GGTA1: variants seen among roughly 807,000 people sequenced by gnomAD.
The protein encoded by GGTA1 is inactive N-acetyllactosaminide alpha-1,3-galactosyltransferase.
Under a neutral mutation model 2.6 loss-of-function variants are expected in GGTA1, and 5 were observed. The observed-to-expected ratio is 1.92, with a 90% CI of 1.00 to 4.04. GGTA1 has a LOEUF of 4.04. Ranked by LOEUF, GGTA1 falls within the 30% of genes most tolerant of loss-of-function variation. GGTA1 has a pLI of 0.00. For missense variants in GGTA1, 50 were observed against 16.7 expected (o/e 2.99, Z -3.47); for synonymous variants, 17 against 5.0 (o/e 3.38, Z -3.19).
intron 5 of GGTA1, among the ~76,000 whole-genome samples, chr9:121,458,637 T>G (rs901004304): frequency 2.3e-5 from 3 of 132,242 alleles, no homozygotes; most frequent in African/African-American, 8.8e-5. Context: ...AATAAATAAA[T>G]AAATAAATAA....
At position 121,479,837 on chromosome 9, in the gene GGTA1, G is replaced by A. The variant is rs535012200; in HGVS notation, c.-9-11906C>T. Among the ~76,000 whole-genome samples, 19 of 152,226 alleles carry A rather than the reference G, an allele frequency of 1.2e-4. No individual in the cohort carries two copies. In the East Asian group the frequency reaches 3.7e-3, roughly 29 times the overall value. ...CTACATCTTTTAGGCTTCAGAAGTCGCTGTTTGGTTTGAACACTACATTTT... is the reference window on the plus strand; with the variant it reads ...CTACATCTTTTAGGCTTCAGAAGTCACTGTTTGGTTTGAACACTACATTTT... On this transcript the variant is annotated intron_variant, in intron 1 of 5. Transcript: ENST00000481799.
intron 1 of GGTA1, among the ~76,000 whole-genome samples, chr9:121,472,587 A>G (rs891959608): frequency 1.3e-5 from 2 of 152,238 alleles, no homozygotes; most frequent in African/African-American, 4.8e-5. Context: ...ATGCAAATGA[A>G]GGACTCTAAA....
At chr9:121,470,626 A>T (rs1828368200) in intron 1 of GGTA1, among the ~76,000 whole-genome samples, 1 of 152,250 alleles carries the variant, frequency 6.6e-6, no homozygotes, top group South Asian at 2.1e-4. Flanking sequence ...ACAGTGAAAG[A>T]CATCAGACCT....
chr9:121,488,642 G>A (rs551348770), intron 1 of GGTA1, among the ~76,000 whole-genome samples: 77 of 150,298 alleles, frequency 5.1e-4, no homozygotes, highest in Admixed American at 1.1e-3. Context: ...GCTTGAACCC[G>A]GGAGGCGGAA....
intron 1 of GGTA1, among the ~76,000 whole-genome samples, chr9:121,495,408 G>A (rs1008059843): frequency 2.0e-5 from 3 of 152,076 alleles, no homozygotes; most frequent in East Asian, 3.9e-4. Context: ...CTAGCTGGGC[G>A]TGGTGGTGGA....
intron 1 of GGTA1, among the ~76,000 whole-genome samples, chr9:121,475,697 G>C (rs1277711506): frequency 1.3e-5 from 2 of 152,124 alleles, no homozygotes; most frequent in Non-Finnish European, 2.9e-5. Flanking sequence ...TGTTCCAATG[G>C]GAGTCAAGAG....
rs1390160953 is a variant in GGTA1 at position 121,476,638 on chromosome 9, C to T, written c.-9-8707G>A. Among the ~76,000 whole-genome samples the T allele has an allele frequency of 2.6e-5, 4 of 152,192 alleles. No homozygotes were observed. The highest frequency in any genetic ancestry group is 4.4e-5 in the Non-Finnish European group (3 of 68,038). On this transcript the variant is annotated intron_variant, in intron 1 of 5. Coordinates refer to ENST00000481799, the MANE Select transcript of GGTA1 (RefSeq NM_001382585.1). This position sits in a 1 kb window ranked among gnomAD's most constrained non-coding sequence, Gnocchi z 4.6. ...GGTGTGATGATCAAATGATAGGATT[C>T]ATCAACTATCACTTCTCAGCCTTTT...
intron 1 of GGTA1, among the ~76,000 whole-genome samples, chr9:121,499,057 G>A (rs1447164889): frequency 3.3e-5 from 5 of 152,030 alleles, no homozygotes; most frequent in Middle Eastern, 3.2e-3. Context: ...CAGGCACCCC[G>A]GATGCCAAAG....
At chr9:121,484,898 C>T (rs1828727305) in intron 1 of GGTA1, among the ~76,000 whole-genome samples, 1 of 152,168 alleles carries the variant, frequency 6.6e-6, no homozygotes, top group Non-Finnish European at 1.5e-5. Flanking sequence ...AATGAGCCTC[C>T]CCAGAAGCCG....
At chr9:121,453,237 G>A (rs781193752), downstream of GGTA1, among the ~76,000 whole-genome samples, 1 of 152,242 alleles carries the variant, frequency 6.6e-6, no homozygotes, top group Non-Finnish European at 1.5e-5. Context: ...GGCCAAGACT[G>A]GAGCCTAGGG....
At chr9:121,458,823 T>C (rs908093376) in intron 5 of GGTA1, among the ~76,000 whole-genome samples, 1 of 152,208 alleles carries the variant, frequency 6.6e-6, no homozygotes, top group Middle Eastern at 3.4e-3. Context: ...TCCCAAGTCC[T>C]GCTCAGCAAA....
rs192832185 is a variant in GGTA1, at chr9:121,475,102, C to T, written c.-9-7171G>A. On this transcript the variant is annotated intron_variant, in intron 1 of 5. Coordinates refer to ENST00000481799, the MANE Select transcript of GGTA1 (RefSeq NM_001382585.1). ...GGCATTCTAAGTCACAGGATGAAAC[C>T]GGAAACCAGCACAAGATACATGTCA... Among the ~76,000 whole-genome samples the T allele has an allele frequency of 3.3e-3, 503 of 152,136 alleles. 4 individuals carry two copies. The highest frequency in any genetic ancestry group is 0.011 in the African/African-American group (465 of 41,516).
chr9:121,448,224 T>C (rs955778893), intron 7 of GGTA1, among the ~76,000 whole-genome samples: 2 of 152,122 alleles, frequency 1.3e-5, no homozygotes, highest in Non-Finnish European at 2.9e-5. Context: ...TCAAAGGGGG[T>C]ACTAGTTCTT....
At chr9:121,467,998 T>G in intron 1 of GGTA1, 67 bp from the exon 2 acceptor site, 1 of 424,090 alleles carries the variant, frequency 2.4e-6, no homozygotes, top group South Asian at 1.7e-5. Flanking sequence ...AGAGGCAGTT[T>G]TTAAAAAATG....
downstream of GGTA1, among the ~76,000 whole-genome samples, chr9:121,454,875 G>A (rs1445528938): frequency 1.3e-5 from 2 of 152,114 alleles, no homozygotes; most frequent in African/African-American, 4.8e-5. Flanking sequence ...TTAGCCAGGC[G>A]TGGTGGTGCA....
At chr9:121,457,403 T>G (rs1175059983) in intron 5 of GGTA1, among the ~76,000 whole-genome samples, 1 of 152,022 alleles carries the variant, frequency 6.6e-6, no homozygotes, top group Non-Finnish European at 1.5e-5. Context: ...GAGAGCACAT[T>G]GGAAAATGGT....
intron 4 of GGTA1, among the ~76,000 whole-genome samples, chr9:121,460,877 C>A (rs2064955099): frequency 6.6e-6 from 1 of 151,788 alleles, no homozygotes; most frequent in Non-Finnish European, 1.5e-5. Context: ...TAAACTTCAG[C>A]CCAAGCCTCA....
At chr9:121,487,719 C>T (rs988824558) in intron 1 of GGTA1, among the ~76,000 whole-genome samples, 3 of 151,932 alleles carry the variant, frequency 2.0e-5, no homozygotes, top group Non-Finnish European at 2.9e-5. Flanking sequence ...AAGGTATAGA[C>T]TTTTTTCTTT....
At chr9:121,481,122 C>T (rs1033677139) in intron 1 of GGTA1, among the ~76,000 whole-genome samples, 65 of 141,720 alleles carry the variant, frequency 4.6e-4, no homozygotes, top group Non-Finnish European at 2.6e-4. Flanking sequence ...CACTGCACTC[C>T]AGCCTGGGCG....
Sources: gnomAD v4.1 joint callset for allele counts (sites outside exome capture counted in the v4.1 genomes callset) on GRCh38, gnomAD v4.1.1 for gene constraint, Gnocchi (gnomAD v3.1) non-coding constraint, MANE v1.5 for transcripts, NCBI Gene and HGNC (gene_info 2026-07-23, HGNC 2026-07-21) for gene names.